The following SSBP2 variants were observed in gnomAD, a reference collection of about 807,000 sequenced individuals.
SSBP2 encodes the protein single stranded DNA binding protein 2, also known as single-stranded DNA-binding protein 2.
In SSBP2, 17 loss-of-function variants were observed where a neutral mutation model predicts 61.8. The ratio of observed to expected loss-of-function variants is 0.28; its 90% CI spans 0.19 to 0.41. The LOEUF is 0.41. Ranked by LOEUF, SSBP2 falls within the 10% of genes least tolerant of loss-of-function variation. The pLI is 1.00. For missense variants in SSBP2, 310 were observed against 458.7 expected (o/e 0.68, Z 2.96); for synonymous variants, 139 against 141.3 (o/e 0.98, Z 0.12).
chr5:81,721,944 TCCATTGGGGCAC>T (rs1561728535), intron 1 of SSBP2, among the ~76,000 whole-genome samples: 1 of 152,010 alleles, frequency 6.6e-6, no homozygotes. Context: ...CCTATACTGG[TCCATTGGGGCAC>T]CCTGATCTTT....
chr5:81,490,787 T>C (rs1004048753), intron 5 of SSBP2, among the ~76,000 whole-genome samples: 2 of 152,222 alleles, frequency 1.3e-5, no homozygotes, highest in African/African-American at 2.4e-5. Flanking sequence ...GCAATTTGGC[T>C]TTTTGTTCAC....
At chr5:81,663,778 AAAG>A in intron 1 of SSBP2, among the ~76,000 whole-genome samples, 1 of 152,174 alleles carries the variant, frequency 6.6e-6, no homozygotes, top group Non-Finnish European at 1.5e-5. Flanking sequence ...TTTAATATTC[AAAG>A]AAAGTGTAGG....
At chr5:81,711,737 C>A (rs973547085) in intron 1 of SSBP2, among the ~76,000 whole-genome samples, 2 of 151,512 alleles carry the variant, frequency 1.3e-5, no homozygotes, top group Non-Finnish European at 2.9e-5. Flanking sequence ...ATAATCCCAA[C>A]AGTATATGGA....
At position 81,706,469 on chromosome 5, in the gene SSBP2, C is replaced by T. The variant is rs151037061; in HGVS notation, c.62+44512G>A. On this transcript the variant is annotated intron_variant, in intron 1 of 16. Coordinates refer to ENST00000320672, the MANE Select transcript of SSBP2 (RefSeq NM_012446.5). ...TGCAACAAATCTGTACATGTACCCT[C>T]AAATCTAAAATAAAAGTTTTAATTA... Among the ~76,000 whole-genome samples the T allele has an allele frequency of 7.8e-3, 1,187 of 152,202 alleles. 21 individuals are homozygous for T. Among genetic ancestry groups the T allele is most frequent in the African/African-American group, 0.027 (1,135 of 41,526 alleles).
At chr5:81,677,395 G>GAAACAAAA (rs898542925) in intron 1 of SSBP2, among the ~76,000 whole-genome samples, 5 of 151,984 alleles carry the variant, frequency 3.3e-5, no homozygotes, top group African/African-American at 9.7e-5. Flanking sequence ...CTTACCATAA[G>GAAACAAAA]AAACAAACAA....
At chr5:81,501,045 C>A (rs1767672361) in intron 5 of SSBP2, among the ~76,000 whole-genome samples, 2 of 149,158 alleles carry the variant, frequency 1.3e-5, no homozygotes, top group South Asian at 4.3e-4. Context: ...GAAACCCCGT[C>A]TCTAGTAAAA....
chr5:81,583,263 C>T (rs985469801), intron 4 of SSBP2, among the ~76,000 whole-genome samples: 2 of 152,044 alleles, frequency 1.3e-5, no homozygotes, highest in African/African-American at 2.4e-5. Context: ...AGTATAGGAA[C>T]TATTCTGAAA....
chr5:81,541,785 G>A (rs1166106951), intron 4 of SSBP2, among the ~76,000 whole-genome samples: 2 of 152,122 alleles, frequency 1.3e-5, no homozygotes, highest in Admixed American at 6.5e-5. Flanking sequence ...ATAAAGTATA[G>A]GTTTCAATGT....
chr5:81,449,754 T>A (rs1319700455), intron 10 of SSBP2, among the ~76,000 whole-genome samples: 1 of 152,218 alleles, frequency 6.6e-6, no homozygotes, highest in Non-Finnish European at 1.5e-5. Context: ...ATATTTAATA[T>A]TAAGTTATTT....
chr5:81,538,263 CACA>C (rs1391496603), intron 4 of SSBP2, among the ~76,000 whole-genome samples: 1 of 152,166 alleles, frequency 6.6e-6, no homozygotes, highest in African/African-American at 2.4e-5. Flanking sequence ...TCAAACCAGC[CACA>C]ACATTTCCTT....
At chr5:81,443,522 C>G (rs1292132576) in intron 12 of SSBP2, among the ~76,000 whole-genome samples, 3 of 152,110 alleles carry the variant, frequency 2.0e-5, no homozygotes, top group African/African-American at 7.2e-5. Context: ...TATTTTTCCA[C>G]ATTATACAGT....
At chr5:81,721,970 A>T (rs16899099) in intron 1 of SSBP2, among the ~76,000 whole-genome samples, 2 of 151,690 alleles carry the variant, frequency 1.3e-5, no homozygotes, top group Non-Finnish European at 2.9e-5. Context: ...GATCTTTACT[A>T]AAAGTTATGG....
chr5:81,544,844 T>C (rs1001799979), intron 4 of SSBP2, among the ~76,000 whole-genome samples: 9 of 152,134 alleles, frequency 5.9e-5, no homozygotes, highest in African/African-American at 2.2e-4. Context: ...TTATGGCAAA[T>C]ATGTACAAAG....
rs1015491574 is a variant in SSBP2, at chr5:81,553,898, C to T, written c.283-40181G>A. On this transcript the variant is annotated intron_variant, in intron 4 of 16. Transcript: ENST00000320672. ...CTTTCTTTCCCTCCTTCTCTCCTAC[C>T]CTTTTTTATTAATACTTTCTTCCAC... Among the ~76,000 whole-genome samples the T allele has an allele frequency of 1.1e-4, 16 of 152,026 alleles. 1 individual carries two copies. The East Asian group carries it at 2.5e-3, about 24-fold the overall frequency.
intron 4 of SSBP2, among the ~76,000 whole-genome samples, chr5:81,601,914 G>A (rs1042891429): frequency 4.6e-5 from 7 of 152,108 alleles, no homozygotes; most frequent in Non-Finnish European, 8.8e-5. Flanking sequence ...GTTATTCAGG[G>A]ACAAGACAAT....
At chr5:81,428,092 T>C (rs760126903) in intron 16 of SSBP2, among the ~76,000 whole-genome samples, 26 of 152,182 alleles carry the variant, frequency 1.7e-4, no homozygotes, top group Non-Finnish European at 3.1e-4. Flanking sequence ...TCTATGGAGA[T>C]ATGGAATGAA....
intron 3 of SSBP2, among the ~76,000 whole-genome samples, chr5:81,620,667 A>G (rs1746490276): frequency 2.1e-5 from 1 of 46,810 alleles, no homozygotes; most frequent in Non-Finnish European, 4.1e-5. Flanking sequence ...AGCCAAAAGA[A>G]CAAAGCTGGA....
chr5:81,750,996 C>T lies in SSBP2; in HGVS notation c.47G>A (p.Ser16Asn), dbSNP rs1207692427. The T allele has an allele frequency of 1.3e-6, 2 of 1,598,806 alleles. No homozygotes were observed. Residue 16 changes from serine (S) to asparagine (N), a missense_variant, in exon 1 of 17, where the codon AGC (serine) becomes AAC (asparagine). By Grantham distance (46) the Ser-to-Asn change is conservative. Around this residue, in one of 4 missense-constraint regions of SSBP2, gnomAD observed 36 missense variants for 27.0 expected, o/e 1.33. Transcript: ENST00000320672. ...AGACACTTACTTCTCCCGGGCCTGGCTGTCGGACGGGACGGCGCTGCTGTT... is the reference window on the plus strand; with the variant it reads ...AGACACTTACTTCTCCCGGGCCTGGTTGTCGGACGGGACGGCGCTGCTGTT...
intron 1 of SSBP2, among the ~76,000 whole-genome samples, chr5:81,721,326 C>T (rs968863678): frequency 1.3e-5 from 2 of 152,060 alleles, no homozygotes; most frequent in Non-Finnish European, 2.9e-5. Context: ...TTCTATACAA[C>T]TCTTCCAACA....
Sources: allele counts gnomAD v4.1 joint callset (sites outside exome capture counted in the v4.1 genomes callset), GRCh38; gene constraint gnomAD v4.1.1; regional missense constraint gnomAD v4.1.1; transcripts MANE v1.5; gene names NCBI Gene and HGNC (gene_info 2026-07-23, HGNC 2026-07-21).